The following WWOX variants were observed in gnomAD, a reference collection of about 807,000 sequenced individuals.
WWOX encodes the protein WW domain-containing oxidoreductase.
WWOX carries 69 observed loss-of-function variants against 46.2 expected under a neutral mutation model. The observed-to-expected ratio is 1.49, with a 90% CI of 1.23 to 1.82. The LOEUF is 1.82. Ranked by LOEUF, WWOX falls within the 40% of genes most tolerant of loss-of-function variation. The probability of loss-of-function intolerance (pLI) is 0.00; values close to 1 mark genes in which losing one functional copy is unlikely to be tolerated. For missense variants in WWOX, 919 were observed against 542.6 expected (o/e 1.69, Z -6.89); for synonymous variants, 359 against 202.6 (o/e 1.77, Z -6.56).
intron 1 of WWOX, among the ~76,000 whole-genome samples, chr16:78,102,023 C>T (rs1249097688): frequency 2.6e-5 from 4 of 152,038 alleles, no homozygotes; most frequent in African/African-American, 4.8e-5. Flanking sequence ...TGGGCTCAAG[C>T]GATCCTCCCG....
chr16:78,870,954 C>G (rs966588673), intron 8 of WWOX, among the ~76,000 whole-genome samples: 3 of 152,234 alleles, frequency 2.0e-5, no homozygotes, highest in East Asian at 1.9e-4. Flanking sequence ...TCTGGTTTAC[C>G]ACAACCACCA....
At chr16:78,453,855 G>T (rs564478241) in intron 8 of WWOX, among the ~76,000 whole-genome samples, 1 of 152,004 alleles carries the variant, frequency 6.6e-6, no homozygotes. Context: ...TTATAGTGAA[G>T]ATTTCATGTA....
At chr16:78,422,031 A>G (rs1017138665) in intron 6 of WWOX, among the ~76,000 whole-genome samples, 2 of 152,230 alleles carry the variant, frequency 1.3e-5, no homozygotes, top group African/African-American at 2.4e-5. Context: ...GATAGAAAAT[A>G]TTTTAATATT....
chr16:78,742,286 G>A (rs2049248293), intron 8 of WWOX, among the ~76,000 whole-genome samples: 1 of 152,190 alleles, frequency 6.6e-6, no homozygotes, highest in Non-Finnish European at 1.5e-5. Context: ...TCAGGACAGG[G>A]AAAACGCAGA....
At chr16:78,785,641 G>A (rs74031429) in intron 8 of WWOX, among the ~76,000 whole-genome samples, 25,059 of 151,996 alleles carry the variant, frequency 0.16, 2,360 homozygotes, top group East Asian at 0.31. Flanking sequence ...TTTTTGCTGC[G>A]CTATTATATC....
In WWOX at chr16:78,395,919, A is replaced by C. The variant is rs531894312; in HGVS notation, c.605+8971A>C. Among the ~76,000 whole-genome samples the C allele has an allele frequency of 5.9e-5, 9 of 152,284 alleles. No homozygotes were observed. In the East Asian group the frequency reaches 1.5e-3, roughly 26 times the overall value. Reference sequence around the variant, plus strand: ...ATGTCTGTTCCTCTTGATTTTAGGCATCTTTTTCAGATGAGTTGCCATAAA... The same window carrying C: ...ATGTCTGTTCCTCTTGATTTTAGGCCTCTTTTTCAGATGAGTTGCCATAAA... On this transcript the variant is annotated intron_variant, in intron 6 of 8. Coordinates refer to ENST00000566780, the MANE Select transcript of WWOX (RefSeq NM_016373.4).
chr16:78,886,300 T>C (rs575591228), intron 8 of WWOX, among the ~76,000 whole-genome samples: 2 of 152,092 alleles, frequency 1.3e-5, no homozygotes, highest in Admixed American at 1.3e-4. Flanking sequence ...AAAAAAGCAT[T>C]TACTTTTTGC....
chr16:78,600,765 G>T (rs1460670164), intron 8 of WWOX, among the ~76,000 whole-genome samples: 1 of 152,202 alleles, frequency 6.6e-6, no homozygotes, highest in Admixed American at 6.5e-5. Flanking sequence ...TTCTAGGCTT[G>T]ACTTCTCTGT....
intron 8 of WWOX, among the ~76,000 whole-genome samples, chr16:79,161,761 C>T (rs1273504098): frequency 6.6e-6 from 1 of 152,210 alleles, no homozygotes; most frequent in Non-Finnish European, 1.5e-5. Context: ...TCAAGCAATC[C>T]ACCCGCCTTG....
intron 8 of WWOX, among the ~76,000 whole-genome samples, chr16:79,137,524 C>T (rs867762108): frequency 1.3e-5 from 2 of 152,118 alleles, no homozygotes; most frequent in South Asian, 2.1e-4. Context: ...ATGTTGGACC[C>T]GTGGCATTGT....
At chr16:78,545,376 CT>C (rs2044004218) in intron 8 of WWOX, among the ~76,000 whole-genome samples, 1 of 150,408 alleles carries the variant, frequency 6.6e-6, no homozygotes, top group Admixed American at 6.6e-5. Context: ...TAATCCATTT[CT>C]TTTAAAAAAA....
chr16:78,370,489 T>A (rs1326778427), intron 5 of WWOX, among the ~76,000 whole-genome samples: 1 of 35,736 alleles, frequency 2.8e-5, no homozygotes, highest in Non-Finnish European at 5.6e-5. Context: ...TGGGGGTATC[T>A]ACGATGTTTT....
chr16:79,042,219 A>G (rs1000153097), intron 8 of WWOX, among the ~76,000 whole-genome samples: 7 of 151,692 alleles, frequency 4.6e-5, no homozygotes, highest in African/African-American at 1.7e-4. Flanking sequence ...CTGTCCATGA[A>G]CTCCAAAGCC....
intron 8 of WWOX, among the ~76,000 whole-genome samples, chr16:78,952,017 C>T (rs1597197364): frequency 6.6e-6 from 1 of 152,190 alleles, no homozygotes; most frequent in South Asian, 2.1e-4. Flanking sequence ...AGATAAACCA[C>T]AGCAATGATT....
chr16:78,962,638 A>G (rs1374615779), intron 8 of WWOX, among the ~76,000 whole-genome samples: 1 of 152,184 alleles, frequency 6.6e-6, no homozygotes, highest in Admixed American at 6.5e-5. Context: ...TGCTTGCATC[A>G]GAATCTAACT....
intron 8 of WWOX, among the ~76,000 whole-genome samples, chr16:78,460,453 T>C (rs111658349): frequency 0.014 from 2,191 of 152,346 alleles, 60 homozygotes; most frequent in African/African-American, 0.05. Context: ...GTCTTCAGTC[T>C]ACTCTTTGTC....
chr16:79,130,994 T>C (rs1030010466), intron 8 of WWOX, among the ~76,000 whole-genome samples: 2 of 152,164 alleles, frequency 1.3e-5, no homozygotes, highest in African/African-American at 2.4e-5. Flanking sequence ...AAAAAGAACA[T>C]TGACATAATC....
intron 8 of WWOX, among the ~76,000 whole-genome samples, chr16:78,501,832 C>T (rs1321864384): frequency 3.3e-5 from 5 of 152,108 alleles, no homozygotes; most frequent in African/African-American, 1.2e-4. Context: ...GTGAAACTAG[C>T]GATGCCCTGG....
At chr16:78,867,830 T>C (rs530674359) in intron 8 of WWOX, among the ~76,000 whole-genome samples, 2 of 152,204 alleles carry the variant, frequency 1.3e-5, no homozygotes, top group Non-Finnish European at 2.9e-5. Context: ...AAATGAATTC[T>C]AGCCCCAGAC....
Sources: allele counts gnomAD v4.1 joint callset (sites outside exome capture counted in the v4.1 genomes callset), GRCh38; gene constraint gnomAD v4.1.1; transcripts MANE v1.5; gene names NCBI Gene and HGNC (gene_info 2026-07-23, HGNC 2026-07-21).